CEP112: variants seen among roughly 807,000 people sequenced by gnomAD.
CEP112 encodes centrosomal protein 112, also known as centrosomal protein of 112 kDa.
Under a neutral mutation model 153.0 loss-of-function variants are expected in CEP112, and 127 were observed. The ratio of observed to expected loss-of-function variants is 0.83; its 90% CI spans 0.72 to 0.96. CEP112 has a LOEUF of 0.96. CEP112 is among the 40% of genes least tolerant of loss of function. The pLI, the probability that CEP112 is intolerant of heterozygous loss-of-function variation, is 0.00. For missense variants in CEP112, 1,089 were observed against 1,101.2 expected (o/e 0.99, Z 0.16); for synonymous variants, 358 against 374.4 (o/e 0.96, Z 0.51).
chr17:66,084,177 G>A (rs1237770356), intron 8 of CEP112, among the ~76,000 whole-genome samples: 3 of 152,140 alleles, frequency 2.0e-5, no homozygotes, highest in Non-Finnish European at 2.9e-5. Flanking sequence ...TGGCAATGAT[G>A]TGGAAAAAAG....
chr17:65,709,849 G>A (rs781523098), intron 23 of CEP112, among the ~76,000 whole-genome samples: 1 of 152,116 alleles, frequency 6.6e-6, no homozygotes, highest in Non-Finnish European at 1.5e-5. Flanking sequence ...TCTTTGCTCT[G>A]CAATGTCTTC....
At chr17:65,781,457 A>G (rs1275479291) in intron 21 of CEP112, among the ~76,000 whole-genome samples, 1 of 152,286 alleles carries the variant, frequency 6.6e-6, no homozygotes, top group Non-Finnish European at 1.5e-5. Flanking sequence ...TGCTATTCCT[A>G]TCAATCTACC....
At chr17:65,790,659 G>A (rs1205761236) in intron 21 of CEP112, among the ~76,000 whole-genome samples, 1 of 152,158 alleles carries the variant, frequency 6.6e-6, no homozygotes, top group Non-Finnish European at 1.5e-5. Flanking sequence ...ACAGGGCTCA[G>A]GCCATTTTCT....
chr17:65,834,442 A>C (rs2057215922), intron 21 of CEP112, among the ~76,000 whole-genome samples: 1 of 152,224 alleles, frequency 6.6e-6, no homozygotes, highest in Non-Finnish European at 1.5e-5. Context: ...AAATATTCGC[A>C]AACTATGCAT....
chr17:66,072,533 C>T (rs1322175750), intron 8 of CEP112, among the ~76,000 whole-genome samples: 1 of 152,142 alleles, frequency 6.6e-6, no homozygotes, highest in African/African-American at 2.4e-5. Context: ...TAGGATTTGT[C>T]TGATGTTTCC....
intron 21 of CEP112, among the ~76,000 whole-genome samples, chr17:65,776,477 G>A (rs1022928888): frequency 5.3e-5 from 8 of 152,060 alleles, no homozygotes; most frequent in South Asian, 2.1e-4. Flanking sequence ...TGCCCGCCTT[G>A]GCCTCCCAAA....
At chr17:65,859,114 AACCTATAAT>A (rs1199718092) in intron 20 of CEP112, among the ~76,000 whole-genome samples, 1 of 152,220 alleles carries the variant, frequency 6.6e-6, no homozygotes, top group African/African-American at 2.4e-5. Context: ...GTCTGAAAAT[AACCTATAAT>A]ATAGTTTACT....
At chr17:65,807,468 C>T (rs933884583) in intron 21 of CEP112, among the ~76,000 whole-genome samples, 2 of 152,108 alleles carry the variant, frequency 1.3e-5, no homozygotes, top group African/African-American at 4.8e-5. Context: ...ATGTTAATAG[C>T]CAAGACAATG....
intron 17 of CEP112, among the ~76,000 whole-genome samples, chr17:65,977,339 T>C (rs1324293767): frequency 6.6e-6 from 1 of 152,082 alleles, no homozygotes; most frequent in African/African-American, 2.4e-5. Context: ...CTGCATTGAG[T>C]CAGTCTCGCA....
chr17:65,904,340 C>T (rs916683260), intron 19 of CEP112, among the ~76,000 whole-genome samples: 1 of 152,148 alleles, frequency 6.6e-6, no homozygotes, highest in African/African-American at 2.4e-5. Flanking sequence ...CATGAGTGAA[C>T]TCCCATTCAC....
intron 18 of CEP112, among the ~76,000 whole-genome samples, chr17:65,937,228 C>T (rs1395610624): frequency 8.0e-6 from 1 of 125,676 alleles, no homozygotes. Flanking sequence ...AGCCTCTGCC[C>T]GGCCGCCACC....
intron 4 of CEP112, among the ~76,000 whole-genome samples, chr17:66,164,912 GTGTGTGTGTA>G (rs1206528669): frequency 4.9e-5 from 7 of 142,850 alleles, no homozygotes; most frequent in Non-Finnish European, 1.1e-4. Context: ...GTGTGTGTGT[GTGTGTGTGTA>G]TATTTATTTA....
In CEP112 at chr17:66,062,998, T is replaced by G; in HGVS notation, c.1039A>C (p.Ser347Arg). Residue 347 changes from serine to arginine, a missense_variant, in exon 11 of 27, where the codon AGT (serine) becomes CGT (arginine). Physicochemically the swap from Ser to Arg is moderately radical, Grantham distance 110 (BLOSUM62 -1). Coordinates refer to ENST00000535342, the MANE Select transcript of CEP112 (RefSeq NM_001199165.4). Reference protein sequence around the residue: ...IAELKKICEQSTESLNNDWEK... With the variant: ...IAELKKICEQRTESLNNDWEK... ...CAGTCATTATTTAGAGATTCCGTAC[T>G]TTGTTCACATATCTTTTTCAGCTCT... The G allele has an allele frequency of 1.3e-6, 2 of 1,598,688 alleles. No homozygotes were observed. Among genetic ancestry groups the G allele is most frequent in the Non-Finnish European group, 1.7e-6 (2 of 1,172,162 alleles).
intron 8 of CEP112, among the ~76,000 whole-genome samples, chr17:66,083,666 C>G (rs191881882): frequency 6.6e-6 from 1 of 152,052 alleles, no homozygotes; most frequent in Admixed American, 6.5e-5. Context: ...CCGGGCAACA[C>G]GGTGAAACCC....
rs774969040 is a variant in CEP112, at chr17:66,029,882, C to T, written c.1360G>A (p.Glu454Lys). The T allele has an allele frequency of 1.5e-5, 25 of 1,613,260 alleles. No individual in the cohort carries two copies. The African/African-American group carries it at 2.3e-4, about 15-fold the overall frequency. Residue 454 changes from glutamate (E) to lysine (K), a missense_variant, in exon 13 of 27, where the codon GAA (glutamate) becomes AAA (lysine). Physicochemically the swap from Glu to Lys is moderately conservative, Grantham distance 56. Coordinates refer to ENST00000535342, the MANE Select transcript of CEP112 (RefSeq NM_001199165.4). ...CYQITCSELQ[E>K]VKARRNTLHK... ...TTCAGACAATACCTTGCCTTTACTTCTTGTAATTCACTACACGTTATCTGG... is the reference window on the plus strand; with the variant it reads ...TTCAGACAATACCTTGCCTTTACTTTTTGTAATTCACTACACGTTATCTGG...
At chr17:66,018,926 C>T (rs12451823) in intron 16 of CEP112, among the ~76,000 whole-genome samples, 62,475 of 151,980 alleles carry the variant, frequency 0.41, 14,306 homozygotes, top group East Asian at 0.87. Context: ...AATAGGTTAT[C>T]TGTAGGGGGC....
rs534129330 is a variant in CEP112 at position 65,885,175 on chromosome 17, G to A, written c.2163+16977C>T. Among the ~76,000 whole-genome samples, 39 of 152,230 alleles carry A rather than the reference G, an allele frequency of 2.6e-4. 1 individual carries two copies. In the South Asian group the frequency reaches 7.7e-3, roughly 30 times the overall value. On this transcript the variant is annotated intron_variant, in intron 20 of 26. Coordinates refer to ENST00000535342, the MANE Select transcript of CEP112 (RefSeq NM_001199165.4). Reference sequence around the variant, plus strand: ...GCAGATTTCTAATATAAAAGCAGGTGCAGATTATCTTGAGAAAATTTTCTA... The same window carrying A: ...GCAGATTTCTAATATAAAAGCAGGTACAGATTATCTTGAGAAAATTTTCTA...
chr17:66,135,281 G>A (rs1424637154), intron 4 of CEP112, among the ~76,000 whole-genome samples: 1 of 152,162 alleles, frequency 6.6e-6, no homozygotes, highest in Non-Finnish European at 1.5e-5. Flanking sequence ...AGAAAAACAG[G>A]ACATTAGGTA....
chr17:66,153,070 T>C (rs758397263), intron 4 of CEP112, among the ~76,000 whole-genome samples: 5 of 152,070 alleles, frequency 3.3e-5, no homozygotes, highest in Non-Finnish European at 5.9e-5. Context: ...AGAATACTCA[T>C]GTGAAGAGAC....
Sources: gnomAD v4.1 joint callset for allele counts (sites outside exome capture counted in the v4.1 genomes callset) on GRCh38, gnomAD v4.1.1 for gene constraint, MANE v1.5 for transcripts, NCBI Gene and HGNC (gene_info 2026-07-23, HGNC 2026-07-21) for gene names.